The following ANKRD17 variants were observed in gnomAD, a reference collection of about 807,000 sequenced individuals.
ANKRD17 encodes ankyrin repeat domain-containing protein 17.
A neutral mutation model predicts 229.7 loss-of-function variants in ANKRD17; 19 were observed. That is an observed-to-expected ratio of 0.08 (90% CI 0.06 to 0.12). The LOEUF is 0.12. ANKRD17 is among the 10% of genes least tolerant of loss of function. The probability of loss-of-function intolerance (pLI) is 1.00; values close to 1 mark genes in which losing one functional copy is unlikely to be tolerated. For missense variants in ANKRD17, 2,176 were observed against 3,176.8 expected, an observed-to-expected ratio of 0.68 and a Z score of 7.57; for synonymous variants, 1,112 against 1,146.1, an observed-to-expected ratio of 0.97 and a Z score of 0.60.
chr4:73,202,240 C>G (rs146008037), intron 1 of ANKRD17, among the ~76,000 whole-genome samples: 132 of 132,092 alleles, frequency 1.0e-3, no homozygotes, highest in African/African-American at 3.7e-3. Context: ...TGAAAAGAAA[C>G]GATGAAGTCA....
intron 1 of ANKRD17, among the ~76,000 whole-genome samples, chr4:73,240,050 A>C (rs111719604): frequency 1.3e-5 from 2 of 152,198 alleles, no homozygotes; most frequent in Non-Finnish European, 2.9e-5. Context: ...ACAGTGAAAC[A>C]GTTCTTCAAA....
At chr4:73,152,823 G>A (rs1022537625) in intron 6 of ANKRD17, among the ~76,000 whole-genome samples, 1 of 152,082 alleles carries the variant, frequency 6.6e-6, no homozygotes, top group Non-Finnish European at 1.5e-5. Flanking sequence ...ATTATAAACA[G>A]GATTGGGGAA....
Position 73,120,929 on chromosome 4 carries a change from C to A in ANKRD17, c.3801G>T (p.Val1267=). 6.2e-7 allele frequency: 1 copy of A among 1,613,450 alleles called. No individual in the cohort carries two copies. Among genetic ancestry groups the A allele is most frequent in the Non-Finnish European group, 8.5e-7 (1 of 1,179,812 alleles). The change falls in exon 20 of 34, where the codon GTG becomes GTT. Residue 1267 remains valine (V), a synonymous_variant. Transcript: ENST00000358602. ...CTTTTCTATCAAGCAGAAGACTAAC[C>A]ACTTCAGTTCTTCCTTGGAAGCAGG... ...TLACFQGRTE[V]VSLLLDRKAN...
chr4:73,199,756 A>G (rs1243651732), intron 1 of ANKRD17, among the ~76,000 whole-genome samples: 3 of 152,236 alleles, frequency 2.0e-5, no homozygotes, highest in African/African-American at 7.2e-5. Context: ...AAAGCTCAAT[A>G]TGAGTAATAA....
At chr4:73,126,098 G>A (rs566187710) in intron 16 of ANKRD17, among the ~76,000 whole-genome samples, 2 of 152,260 alleles carry the variant, frequency 1.3e-5, no homozygotes, top group South Asian at 2.1e-4. Context: ...CAACCTGGCA[G>A]TCTCCCCAAC....
chr4:73,085,816 T>C (rs1353999378), intron 29 of ANKRD17, among the ~76,000 whole-genome samples: 2 of 130,466 alleles, frequency 1.5e-5, no homozygotes, highest in African/African-American at 5.8e-5. Flanking sequence ...AGACTGCCTC[T>C]ACAAAAAATT....
intron 24 of ANKRD17, among the ~76,000 whole-genome samples, chr4:73,108,167 T>C (rs1241425843): frequency 1.3e-5 from 2 of 152,032 alleles, no homozygotes; most frequent in Non-Finnish European, 2.9e-5. Flanking sequence ...TTCAACGCGA[T>C]GGAGTATAGA....
At chr4:73,174,200 C>T (rs1257131814) in intron 2 of ANKRD17, among the ~76,000 whole-genome samples, 1 of 151,974 alleles carries the variant, frequency 6.6e-6, no homozygotes, top group African/African-American at 2.4e-5. Context: ...TACTAGCTAA[C>T]AGAATCCAAC....
At chr4:73,144,699 G>T in intron 11 of ANKRD17, 46 bp downstream of exon 11, 1 of 1,314,226 alleles carries the variant, frequency 7.6e-7, no homozygotes, top group Non-Finnish European at 1.0e-6. Flanking sequence ...ATGAAGGCAG[G>T]GGTAGATACC....
chr4:73,252,280 G>A (rs1308736931), intron 1 of ANKRD17, among the ~76,000 whole-genome samples: 1 of 152,128 alleles, frequency 6.6e-6, no homozygotes, highest in Non-Finnish European at 1.5e-5. Context: ...TAATTAAAGG[G>A]CAAAACATGA....
chr4:73,080,038 G>A (rs373803015), intron 30 of ANKRD17, among the ~76,000 whole-genome samples: 4 of 152,070 alleles, frequency 2.6e-5, no homozygotes, highest in South Asian at 4.2e-4. Context: ...CCCGGGAGGC[G>A]GAGGATGCAG....
chr4:73,150,122 T>G (rs1428243322), intron 7 of ANKRD17, among the ~76,000 whole-genome samples: 2 of 152,204 alleles, frequency 1.3e-5, no homozygotes, highest in Admixed American at 1.3e-4. Context: ...TAGAGAAGAC[T>G]CTAATGTCTT....
intron 1 of ANKRD17, among the ~76,000 whole-genome samples, chr4:73,248,785 G>A (rs1437950912): frequency 6.6e-6 from 1 of 151,690 alleles, no homozygotes; most frequent in African/African-American, 2.4e-5. Flanking sequence ...TCACTGGGAA[G>A]GAAATAGTTC....
At chr4:73,138,411 T>G (rs1729179428) in intron 15 of ANKRD17, among the ~76,000 whole-genome samples, 1 of 152,130 alleles carries the variant, frequency 6.6e-6, no homozygotes, top group South Asian at 2.1e-4. Context: ...TATTTTTAAG[T>G]ATAAAATCTA....
chr4:73,142,673 C>T lies in ANKRD17; in HGVS notation c.2052G>A (p.Leu684=). 1 of 1,613,998 alleles carries T rather than the reference C, an allele frequency of 6.2e-7. No individual in the cohort carries two copies. Among genetic ancestry groups the T allele is most frequent in the Non-Finnish European group, 8.5e-7 (1 of 1,179,930 alleles). ...GGTGAGTAGGATCTGCCCCATGAGCCAAAAGTAGTTCCACCACTGCCAGAT... is the reference window on the plus strand; with the variant it reads ...GGTGAGTAGGATCTGCCCCATGAGCTAAAAGTAGTTCCACCACTGCCAGAT... ...GGHLAVVELL[L]AHGADPTHRL... is the part of the protein sequence containing the mutation. The change falls in exon 12 of 34, where the codon TTG becomes TTA. Residue 684 remains leucine, a synonymous_variant. Coordinates refer to ENST00000358602, the MANE Select transcript of ANKRD17 (RefSeq NM_032217.5).
chr4:73,118,573 A>G (rs1391419705), intron 22 of ANKRD17, 115 bp downstream of exon 22: 1 of 1,140,528 alleles, frequency 8.8e-7, no homozygotes, highest in Non-Finnish European at 1.3e-6. Context: ...TTTGCATATT[A>G]TTGCTTTCAT....
In ANKRD17 at chr4:73,079,372, A is replaced by T. The variant is rs115833971; in HGVS notation, c.7160-482T>A. Among the ~76,000 whole-genome samples the T allele has an allele frequency of 4.0e-3, 615 of 152,224 alleles. 4 individuals are homozygous for T. Among genetic ancestry groups the T allele is most frequent in the African/African-American group, 0.012 (487 of 41,538 alleles). ...GGAAAAAGAAATACGTTTCTTTGTT[A>T]TTTATTCATTTTTTATTTATTTTAT... On this transcript the variant is annotated intron_variant, in intron 30 of 33. Transcript: ENST00000358602.
In ANKRD17 at chr4:73,139,540, T is replaced by A; in HGVS notation, c.3076A>T (p.Ile1026Phe). The A allele has an allele frequency of 6.2e-7, 1 of 1,611,884 alleles. No individual in the cohort carries two copies. The highest frequency in any genetic ancestry group is 8.5e-7 in the Non-Finnish European group (1 of 1,178,588). ...AACAATATAAACCCACCTGCCATGATGTCATCCAGCGTGTCATTGAGGGTC... is the reference window on the plus strand; with the variant it reads ...AACAATATAAACCCACCTGCCATGAAGTCATCCAGCGTGTCATTGAGGGTC... The part of the protein sequence containing the change: ...AQTLNDTLDD[I>F]MAAVSGRASA... Residue 1026 changes from isoleucine to phenylalanine, a missense_variant, in exon 15 of 34, where the codon ATC (isoleucine) becomes TTC (phenylalanine). By Grantham distance (21) the Ile-to-Phe change is conservative. This residue lies in a region of ANKRD17 where 230 missense variants were observed against 252.3 expected (regional missense o/e 0.91). Coordinates refer to ENST00000358602, the MANE Select transcript of ANKRD17 (RefSeq NM_032217.5).
At position 73,097,986 on chromosome 4, in the gene ANKRD17, G is replaced by A. The variant is rs141505734; in HGVS notation, c.5021+87C>T. The A allele has an allele frequency of 2.4e-4, 312 of 1,291,612 alleles. 5 individuals carry two copies. In the East Asian group the frequency reaches 6.3e-3, roughly 26 times the overall value. 80.0% of individuals were successfully genotyped at this position (1,291,612 alleles called of 1,614,324 possible). A position where few individuals can be genotyped will look rare whatever the true frequency, so the allele number is the denominator to read the frequency against. ...AAAGAAAAATCCTATTTTGCAAGTT[G>A]CAAATTTACTTTCTTTACCAACAAA... On this transcript the variant is annotated intron_variant, in intron 26 of 33. Transcript: ENST00000358602.
Sources: gnomAD v4.1 joint callset for allele counts (sites outside exome capture counted in the v4.1 genomes callset) on GRCh38, gnomAD v4.1.1 for gene constraint, gnomAD v4.1.1 regional missense constraint, MANE v1.5 for transcripts, NCBI Gene and HGNC (gene_info 2026-07-23, HGNC 2026-07-21) for gene names.